DDC: variants seen among roughly 807,000 people sequenced by gnomAD.
DDC encodes aromatic-L-amino-acid decarboxylase.
In DDC, 43 loss-of-function variants were observed where a neutral mutation model predicts 60.0. The observed-to-expected ratio is 0.72, with a 90% CI of 0.56 to 0.92. The LOEUF (loss-of-function observed/expected upper bound fraction) is 0.92. DDC is among the 40% of genes least tolerant of loss of function. The pLI is 0.00. For synonymous variants in DDC, 232 were observed against 234.6 expected (o/e 0.99, Z 0.10); for missense variants, 573 against 620.2 (o/e 0.92, Z 0.81).
chr7:50,503,837 A>G (rs1435191055), intron 7 of DDC, among the ~76,000 whole-genome samples, 156 bp downstream of exon 7: 1 of 152,228 alleles, frequency 6.6e-6, no homozygotes, highest in Non-Finnish European at 1.5e-5. Flanking sequence ...GTGGAGTTCA[A>G]GCTAATGAGG....
chr7:50,523,540 T>A (rs1423008871), intron 6 of DDC, among the ~76,000 whole-genome samples: 1 of 152,162 alleles, frequency 6.6e-6, no homozygotes, highest in African/African-American at 2.4e-5. Context: ...AAAGAAGATG[T>A]TCATGTAGCA....
In DDC at chr7:50,499,298, G is replaced by A. The variant is rs536403677; in HGVS notation, c.782-56C>T. ...AGATGGATGCCTCACCACGGAGCCT[G>A]CCAGCTGACCTCGCCCTGTCTGAGC... On this transcript the variant is annotated intron_variant, in intron 7 of 14. Transcript: ENST00000444124. The A allele has an allele frequency of 3.4e-5, 43 of 1,265,668 alleles. No homozygotes were observed. In the African/African-American group the frequency reaches 4.5e-4, roughly 13 times the overall value. The allele number at this position is 1,265,668 out of a possible 1,614,324, so 78.4% of individuals were successfully genotyped here. A position where few individuals can be genotyped will look rare whatever the true frequency, so the allele number is the denominator to read the frequency against.
At chr7:50,535,700 A>C (rs1180044714) in intron 4 of DDC, among the ~76,000 whole-genome samples, 1 of 152,104 alleles carries the variant, frequency 6.6e-6, no homozygotes, top group Non-Finnish European at 1.5e-5. Context: ...TCCCTCCATG[A>C]CTCTGAAGCA....
chr7:50,537,400 T>C (rs553413953), intron 4 of DDC, among the ~76,000 whole-genome samples: 8 of 152,376 alleles, frequency 5.3e-5, no homozygotes, highest in African/African-American at 1.9e-4. Flanking sequence ...TTCTGGACCC[T>C]AGTTTCCTCT....
At chr7:50,522,437 G>A (rs554910485) in intron 6 of DDC, among the ~76,000 whole-genome samples, 5 of 152,306 alleles carry the variant, frequency 3.3e-5, no homozygotes, top group African/African-American at 1.2e-4. Flanking sequence ...CTTATATGAA[G>A]AGGCAAAGGA....
chr7:50,557,964 AT>A (rs1224507163), intron 1 of DDC, among the ~76,000 whole-genome samples: 1 of 152,172 alleles, frequency 6.6e-6, no homozygotes, highest in African/African-American at 2.4e-5. Flanking sequence ...TATTATTTTC[AT>A]TCATGGTTGC....
intron 13 of DDC, among the ~76,000 whole-genome samples, chr7:50,465,238 A>G (rs547582970): frequency 3.3e-5 from 5 of 152,330 alleles, no homozygotes; most frequent in Middle Eastern, 3.4e-3. Context: ...AGAGACAGAA[A>G]ACAGATTAGT....
chr7:50,464,000 A>G (rs993170590), intron 13 of DDC, among the ~76,000 whole-genome samples: 3 of 152,106 alleles, frequency 2.0e-5, no homozygotes, highest in Non-Finnish European at 2.9e-5. Flanking sequence ...CCTGGTATCA[A>G]TAAGCCAATG....
At chr7:50,501,143 C>G (rs3779081) in intron 7 of DDC, among the ~76,000 whole-genome samples, 4 of 152,164 alleles carry the variant, frequency 2.6e-5, no homozygotes. Context: ...AGGCTCACAC[C>G]CCTCCAGCTT....
At chr7:50,553,428 G>A (rs536887056) in intron 1 of DDC, among the ~76,000 whole-genome samples, 1 of 151,356 alleles carries the variant, frequency 6.6e-6, no homozygotes, top group East Asian at 1.9e-4. Context: ...ACACTAATTT[G>A]GCTGATTTCC....
chr7:50,550,256 T>C (rs1215317567), intron 1 of DDC, among the ~76,000 whole-genome samples: 1 of 152,254 alleles, frequency 6.6e-6, no homozygotes, highest in Non-Finnish European at 1.5e-5. Context: ...AAAGATTATG[T>C]TTGCTGAAGG....
At chr7:50,496,244 C>T (rs949182064) in intron 8 of DDC, among the ~76,000 whole-genome samples, 1 of 152,032 alleles carries the variant, frequency 6.6e-6, no homozygotes, top group Non-Finnish European at 1.5e-5. Context: ...CCACCACACA[C>T]AGCTAATTTT....
At chr7:50,557,539 A>G (rs1360293968) in intron 1 of DDC, among the ~76,000 whole-genome samples, 1 of 152,094 alleles carries the variant, frequency 6.6e-6, no homozygotes, top group Admixed American at 6.5e-5. Flanking sequence ...TTCACTTGAC[A>G]TTTTTCCTTT....
intron 6 of DDC, among the ~76,000 whole-genome samples, chr7:50,526,381 A>G (rs1219362886): frequency 1.3e-5 from 2 of 152,188 alleles, no homozygotes; most frequent in Non-Finnish European, 2.9e-5. Flanking sequence ...CAGTAAAGAC[A>G]CTTTCAGATT....
intron 11 of DDC, among the ~76,000 whole-genome samples, chr7:50,471,292 T>C (rs1253402832): frequency 6.6e-6 from 1 of 152,148 alleles, no homozygotes; most frequent in Non-Finnish European, 1.5e-5. Context: ...CTTGGGAAGC[T>C]GAGGCAGGAC....
intron 1 of DDC, among the ~76,000 whole-genome samples, chr7:50,552,560 C>A (rs73342836): frequency 6.6e-6 from 1 of 152,226 alleles, no homozygotes; most frequent in South Asian, 2.1e-4. Context: ...CTCCCCTGAA[C>A]TCCCTCAGAC....
chr7:50,512,062 A>G (rs2043595881), intron 6 of DDC, among the ~76,000 whole-genome samples: 1 of 152,070 alleles, frequency 6.6e-6, no homozygotes, highest in Non-Finnish European at 1.5e-5. Context: ...AAAAAATTAA[A>G]ATTAAAATAA....
At position 50,557,769 on chromosome 7, in the gene DDC, T is replaced by A. The variant is rs183025494; in HGVS notation, c.-29+7516A>T. Among the ~76,000 whole-genome samples, 17 of 152,292 alleles carry A rather than the reference T, an allele frequency of 1.1e-4. No homozygotes were observed. In the East Asian group the frequency reaches 2.7e-3, roughly 24 times the overall value. On this transcript the variant is annotated intron_variant, in intron 1 of 14. Coordinates refer to ENST00000444124, the MANE Select transcript of DDC (RefSeq NM_001082971.2). ...TGGGTCTGTCTCTCAAAGATATTAA[T>A]TCCCCAGTGGAATTGAGACATGTGA...
intron 6 of DDC, among the ~76,000 whole-genome samples, chr7:50,515,769 G>C (rs1585215247): frequency 6.6e-6 from 1 of 152,288 alleles, no homozygotes; most frequent in East Asian, 1.9e-4. Context: ...GTAAGCAGGG[G>C]TAGCTATTCT....
Sources: gnomAD v4.1 joint callset for allele counts (sites outside exome capture counted in the v4.1 genomes callset) on GRCh38, gnomAD v4.1.1 for gene constraint, MANE v1.5 for transcripts, NCBI Gene and HGNC (gene_info 2026-07-23, HGNC 2026-07-21) for gene names.